Variants in DRC9 observed in about 807,000 individuals in gnomAD.
DRC9 encodes dynein regulatory complex protein 9.
At chr3:197,930,635 G>A in the DRC9 span, among the ~76,000 whole-genome samples, 3 of 151,806 alleles carry the variant, frequency 2.0e-5, no homozygotes, top group Non-Finnish European at 2.9e-5. Context: ...AGCTACTCGG[G>A]AGGCTACTCA....
At chr3:197,918,522 T>C in the DRC9 span, among the ~76,000 whole-genome samples, 5 of 152,332 alleles carry the variant, frequency 3.3e-5, no homozygotes, top group East Asian at 1.9e-4. Context: ...GTCCACCTTA[T>C]ATATCACTCA....
chr3:197,944,059 A>T, the DRC9 span: 1 of 1,600,340 alleles, frequency 6.2e-7, no homozygotes, highest in South Asian at 1.1e-5. Context: ...TCTCTAAGGA[A>T]AGAATAAAGA....
At chr3:197,933,029 TTATATATTATACATATATATAAAATA>T in the DRC9 span, among the ~76,000 whole-genome samples, 1 of 139,472 alleles carries the variant, frequency 7.2e-6, no homozygotes, top group Non-Finnish European at 1.5e-5. Context: ...ATATAAAATA[TTATATATTATACATATATATAAAATA>T]CATATATTAT....
the DRC9 span, among the ~76,000 whole-genome samples, chr3:197,937,606 G>A: frequency 6.6e-6 from 1 of 151,714 alleles, no homozygotes; most frequent in Admixed American, 6.6e-5. Context: ...CTGGTGCCGA[G>A]GCACCTGAGA....
At chr3:197,957,849 T>C in the DRC9 span, 1 of 152,192 alleles carries the variant, frequency 6.6e-6, no homozygotes. Context: ...CATGTAGGTA[T>C]ACTGGCTGCG....
chr3:197,950,787 T>A, the DRC9 span: 2 of 677,940 alleles, frequency 3.0e-6, no homozygotes, highest in African/African-American at 1.8e-5. Flanking sequence ...GACCCTGCGT[T>A]TCATATGGAT....
the DRC9 span, among the ~76,000 whole-genome samples, chr3:197,921,791 G>A: frequency 2.9e-4 from 42 of 145,898 alleles, no homozygotes; most frequent in East Asian, 5.0e-3. Context: ...CATCTTGGTC[G>A]ACCCGACTAC....
At chr3:197,926,674 G>T in the DRC9 span, among the ~76,000 whole-genome samples, 1 of 152,032 alleles carries the variant, frequency 6.6e-6, no homozygotes, top group African/African-American at 2.4e-5. Context: ...CCCACAGACT[G>T]CTCCCATCCC....
chr3:197,950,033 T>A, the DRC9 span: 1 of 935,706 alleles, frequency 1.1e-6, no homozygotes, highest in Non-Finnish European at 1.4e-6. Context: ...ATGAAAGGAC[T>A]TAGGAAAATA....
the DRC9 span, among the ~76,000 whole-genome samples, chr3:197,893,170 C>A: frequency 6.6e-6 from 1 of 151,260 alleles, no homozygotes; most frequent in Admixed American, 6.6e-5. Flanking sequence ...CCAGTCTGAC[C>A]AACGTGGAGA....
At chr3:197,954,837 T>G in the DRC9 span, among the ~76,000 whole-genome samples, 1 of 152,164 alleles carries the variant, frequency 6.6e-6, no homozygotes, top group African/African-American at 2.4e-5. Context: ...GTGAAGATAT[T>G]TATTGGGCAC....
the DRC9 span, chr3:197,960,169 C>A: frequency 2.7e-6 from 4 of 1,487,332 alleles, no homozygotes; most frequent in Non-Finnish European, 3.7e-6. Context: ...CCTCCGTCTA[C>A]CCCCAGCGGC....
the DRC9 span, chr3:197,945,518 G>T: frequency 1.3e-6 from 1 of 752,278 alleles, no homozygotes; most frequent in Non-Finnish European, 2.3e-6. Context: ...CTAAGTTCTG[G>T]GGTAATCTGT....
chr3:197,930,965 C>T, the DRC9 span, among the ~76,000 whole-genome samples: 10 of 149,532 alleles, frequency 6.7e-5, no homozygotes, highest in African/African-American at 2.2e-4. Flanking sequence ...ACCCGGGAGG[C>T]GGAGGTTGCA....
the DRC9 span, among the ~76,000 whole-genome samples, chr3:197,934,247 C>T: frequency 7.6e-5 from 10 of 131,834 alleles, no homozygotes; most frequent in Non-Finnish European, 1.4e-4. Context: ...TGCAGTGGCA[C>T]GATCTCGGCT....
chr3:197,924,995 A>C, the DRC9 span, among the ~76,000 whole-genome samples: 1 of 152,160 alleles, frequency 6.6e-6, no homozygotes, highest in Non-Finnish European at 1.5e-5. Flanking sequence ...ATGACCACAA[A>C]AGCTCGCAAA....
the DRC9 span, chr3:197,932,335 T>A: frequency 6.3e-7 from 1 of 1,590,864 alleles, no homozygotes; most frequent in Non-Finnish European, 8.6e-7. Context: ...AAAAAATGAG[T>A]TAATAAATTC....
At chr3:197,924,657 C>A in the DRC9 span, among the ~76,000 whole-genome samples, 1 of 152,086 alleles carries the variant, frequency 6.6e-6, no homozygotes, top group Non-Finnish European at 1.5e-5. Context: ...ATAGCTGGGA[C>A]TACAGGTGCG....
chr3:197,950,984 C>T, the DRC9 span: 1 of 1,613,300 alleles, frequency 6.2e-7, no homozygotes, highest in Admixed American at 1.7e-5. Context: ...GGAAGGTACG[C>T]GTTTTAAATA....
Sources: allele counts gnomAD v4.1 joint callset (sites outside exome capture counted in the v4.1 genomes callset), GRCh38; gene constraint gnomAD v4.1.1; transcripts MANE v1.5; gene names NCBI Gene and HGNC (gene_info 2026-07-23, HGNC 2026-07-21).